The following ATE1 variants were observed in gnomAD, a reference collection of about 807,000 sequenced individuals.
The protein encoded by ATE1 is arginyl-tRNA--protein transferase 1.
In ATE1, 36 loss-of-function variants were observed where a neutral mutation model predicts 70.5. The ratio of observed to expected loss-of-function variants is 0.51; its 90% CI spans 0.39 to 0.67. The LOEUF is 0.67. Among genes scored for constraint, ATE1 ranks in the 30% least tolerant of loss-of-function variants. The probability of loss-of-function intolerance (pLI) is 0.00; values close to 1 mark genes in which losing one functional copy is unlikely to be tolerated. For synonymous variants in ATE1, 232 were observed against 219.3 expected (o/e 1.06, Z -0.51); for missense variants, 593 against 629.5 (o/e 0.94, Z 0.62).
intron 11 of ATE1, among the ~76,000 whole-genome samples, chr10:121,748,645 T>C (rs1341573115): frequency 1.3e-5 from 2 of 151,470 alleles, no homozygotes; most frequent in African/African-American, 2.4e-5. Context: ...AGTTCAATAG[T>C]TTTTTTGTTT....
chr10:121,776,992 C>T (rs1238836385), intron 11 of ATE1, among the ~76,000 whole-genome samples: 1 of 152,218 alleles, frequency 6.6e-6, no homozygotes, highest in Admixed American at 6.5e-5. Context: ...AATCATACAT[C>T]ATACATTTGT....
At chr10:121,805,174 A>T (rs564792451) in intron 10 of ATE1, among the ~76,000 whole-genome samples, 1 of 152,342 alleles carries the variant, frequency 6.6e-6, no homozygotes, top group South Asian at 2.1e-4. Flanking sequence ...TTTAGCAAAA[A>T]TATCTAGCTG....
chr10:121,911,256 T>C, intron 4 of ATE1, 105 bp from the exon 5 acceptor site: 2 of 1,374,934 alleles, frequency 1.5e-6, no homozygotes, highest in South Asian at 2.6e-5. Context: ...AGAATTACTA[T>C]CTGTCCACCA....
intron 8 of ATE1, among the ~76,000 whole-genome samples, chr10:121,842,585 T>C (rs1948669850): frequency 6.6e-6 from 1 of 152,064 alleles, no homozygotes; most frequent in Admixed American, 6.6e-5. Context: ...AACAAAATAT[T>C]AGCAAATCAA....
chr10:121,827,170 T>C (rs1448086203), intron 10 of ATE1, among the ~76,000 whole-genome samples: 1 of 152,080 alleles, frequency 6.6e-6, no homozygotes, highest in Non-Finnish European at 1.5e-5. Context: ...TGCGCCACCA[T>C]GGCCATCTAA....
intron 3 of ATE1, among the ~76,000 whole-genome samples, chr10:121,920,978 T>C (rs533624712): frequency 2.1e-4 from 31 of 149,368 alleles, no homozygotes; most frequent in Non-Finnish European, 4.4e-5. Flanking sequence ...CAGGCGACAG[T>C]GCGAGACTCC....
Position 121,900,895 on chromosome 10 carries a change from T to C in ATE1, c.814-901A>G, listed in dbSNP as rs140814442. ...AAGACACCTTGTAAAATATTTTAAG[T>C]AGTGTATTCAACTCTGTTTACAATT... On this transcript the variant is annotated intron_variant, in intron 6 of 11. Coordinates refer to ENST00000224652, the MANE Select transcript of ATE1 (RefSeq NM_001001976.3). Among the ~76,000 whole-genome samples, 16 of 152,312 alleles carry C rather than the reference T, an allele frequency of 1.1e-4. No homozygotes were observed. The East Asian group carries it at 3.1e-3, about 29-fold the overall frequency.
At chr10:121,818,975 T>C (rs978633969) in intron 10 of ATE1, among the ~76,000 whole-genome samples, 3 of 152,200 alleles carry the variant, frequency 2.0e-5, no homozygotes, top group African/African-American at 7.2e-5. Context: ...GAACTTGACC[T>C]AGCAATCACA....
chr10:121,851,812 A>C (rs1276106697), intron 8 of ATE1, among the ~76,000 whole-genome samples: 11 of 152,232 alleles, frequency 7.2e-5, no homozygotes, highest in Non-Finnish European at 1.3e-4. Flanking sequence ...AACAAGAAAA[A>C]ATAATAATAA....
chr10:121,847,943 T>C (rs985647515), intron 8 of ATE1, among the ~76,000 whole-genome samples: 1 of 151,368 alleles, frequency 6.6e-6, no homozygotes, highest in Non-Finnish European at 1.5e-5. Flanking sequence ...TGGTGGCACG[T>C]GCCTGTAATC....
chr10:121,802,522 T>A (rs1268293730), intron 10 of ATE1, among the ~76,000 whole-genome samples: 1 of 152,074 alleles, frequency 6.6e-6, no homozygotes, highest in Non-Finnish European at 1.5e-5. Context: ...TTGACCAGGC[T>A]ACTCTCGAAC....
intron 7 of ATE1, among the ~76,000 whole-genome samples, chr10:121,895,066 A>G (rs1262690375): frequency 6.6e-6 from 1 of 152,156 alleles, no homozygotes; most frequent in Non-Finnish European, 1.5e-5. Flanking sequence ...CAATTTTAAG[A>G]AAAAAGAGAC....
intron 11 of ATE1, among the ~76,000 whole-genome samples, chr10:121,785,944 A>G (rs1946187544): frequency 6.6e-6 from 1 of 152,234 alleles, no homozygotes; most frequent in Non-Finnish European, 1.5e-5. Context: ...ATATCTTACT[A>G]TAATTACAAA....
chr10:121,831,135 G>C (rs1012741473), intron 10 of ATE1, among the ~76,000 whole-genome samples: 8 of 151,992 alleles, frequency 5.3e-5, no homozygotes, highest in African/African-American at 1.9e-4. Flanking sequence ...GAAATACTAA[G>C]GTTAGTAGTA....
chr10:121,872,137 T>A (rs985447572), intron 7 of ATE1, among the ~76,000 whole-genome samples: 1 of 151,302 alleles, frequency 6.6e-6, no homozygotes, highest in African/African-American at 2.4e-5. Flanking sequence ...TACTTTTGAA[T>A]TTATAAGCAA....
At chr10:121,847,756 CAAAAAAAAAAAAAAA>C (rs34868723) in intron 8 of ATE1, among the ~76,000 whole-genome samples, 1 of 60,844 alleles carries the variant, frequency 1.6e-5, no homozygotes, top group Non-Finnish European at 3.0e-5. Context: ...GACTCTGTCT[CAAAAAAAAAAAAAAA>C]AAAAAAAAAT....
intron 9 of ATE1, among the ~76,000 whole-genome samples, chr10:121,837,424 C>T (rs916984650): frequency 2.0e-5 from 3 of 152,140 alleles, no homozygotes; most frequent in Non-Finnish European, 2.9e-5. Context: ...TCCACTATAA[C>T]GCCTATGCAT....
In ATE1 at chr10:121,924,304, T is replaced by G. The variant is rs1317206011; in HGVS notation, c.132A>C (p.Val44=). The change falls in exon 2 of 12, where the codon GTA becomes GTC. Residue 44 remains valine, a synonymous_variant. Coordinates refer to ENST00000224652, the MANE Select transcript of ATE1 (RefSeq NM_001001976.3). The part of the protein sequence containing the change: ...SNGMWAHSMT[V]QDYQDLIDRG... The stretch of plus-strand genomic sequence containing the variant: ...GGTCTATGAGATCCTGATAATCCTG[T>G]ACTGTCATGGAATGTGCCCACATGC... The G allele has an allele frequency of 6.2e-7, 1 of 1,614,164 alleles. No individual in the cohort carries two copies. Among genetic ancestry groups the G allele is most frequent in the Non-Finnish European group, 8.5e-7 (1 of 1,179,978 alleles).
At chr10:121,916,098 G>A (rs1172733879) in intron 3 of ATE1, among the ~76,000 whole-genome samples, 4 of 150,066 alleles carry the variant, frequency 2.7e-5, no homozygotes, top group African/African-American at 7.4e-5. Context: ...GTGGTGGCAG[G>A]CACCTGTAGT....
Sources: allele counts gnomAD v4.1 joint callset (sites outside exome capture counted in the v4.1 genomes callset), GRCh38; gene constraint gnomAD v4.1.1; transcripts MANE v1.5; gene names NCBI Gene and HGNC (gene_info 2026-07-23, HGNC 2026-07-21).